The following DLG2 variants were observed in gnomAD, a reference collection of about 807,000 sequenced individuals.
DLG2 encodes disks large homolog 2.
Under a neutral mutation model 132.5 loss-of-function variants are expected in DLG2, and 45 were observed. The observed-to-expected ratio is 0.34, with a 90% CI of 0.27 to 0.44. The LOEUF (loss-of-function observed/expected upper bound fraction) is 0.44. DLG2 is among the 20% of genes least tolerant of loss of function. The pLI is 1.00. For missense variants in DLG2, 1,045 were observed against 1,196.9 expected (o/e 0.87, Z 1.87); for synonymous variants, 424 against 419.6 (o/e 1.01, Z -0.13).
At chr11:84,864,193 A>C (rs969194752) in intron 6 of DLG2, among the ~76,000 whole-genome samples, 2 of 152,200 alleles carry the variant, frequency 1.3e-5, no homozygotes, top group Admixed American at 6.5e-5. Flanking sequence ...GAGAATTTGG[A>C]AACCTTTAGA....
intron 4 of DLG2, among the ~76,000 whole-genome samples, chr11:85,244,023 G>T (rs954152650): frequency 6.6e-6 from 1 of 151,928 alleles, no homozygotes; most frequent in Non-Finnish European, 1.5e-5. Context: ...AAAGTGCTTT[G>T]CACAGCATCA....
chr11:84,681,238 T>C (rs1212270324), intron 6 of DLG2, among the ~76,000 whole-genome samples: 2 of 152,210 alleles, frequency 1.3e-5, no homozygotes, highest in Admixed American at 6.5e-5. Flanking sequence ...CTCTTCACAA[T>C]CCTTCCTTCC....
At chr11:84,486,057 C>A (rs898930304) in intron 7 of DLG2, among the ~76,000 whole-genome samples, 1 of 152,068 alleles carries the variant, frequency 6.6e-6, no homozygotes, top group Non-Finnish European at 1.5e-5. Flanking sequence ...GACACATATG[C>A]CTTTTTCCAC....
At chr11:83,961,650 A>T (rs1015938394) in intron 14 of DLG2, among the ~76,000 whole-genome samples, 1 of 152,010 alleles carries the variant, frequency 6.6e-6, no homozygotes, top group Non-Finnish European at 1.5e-5. Context: ...TTAATTCGCT[A>T]TGGGGCCTAG....
chr11:84,655,664 T>C (rs2099687247), intron 6 of DLG2, among the ~76,000 whole-genome samples: 1 of 152,022 alleles, frequency 6.6e-6, no homozygotes, highest in African/African-American at 2.4e-5. Flanking sequence ...CCATGAGCAA[T>C]TCAAAATCTC....
chr11:84,336,490 T>C lies in DLG2; in HGVS notation c.520-85199A>G, dbSNP rs186735027. On this transcript the variant is annotated intron_variant, in intron 7 of 27. Coordinates refer to ENST00000376104, the MANE Select transcript of DLG2 (RefSeq NM_001142699.3). ...GACTCATAAAGTATTCCTCCCTTAC[T>C]TCCAACTCACAGTTTGGCCTCACTT... Among the ~76,000 whole-genome samples, 535 of 152,302 alleles carry C rather than the reference T, an allele frequency of 3.5e-3. 3 individuals carry two copies. The highest frequency in any genetic ancestry group is 6.0e-3 in the Non-Finnish European group (408 of 68,018).
chr11:85,545,596 T>TG (rs2076261821), intron 3 of DLG2, among the ~76,000 whole-genome samples: 1 of 152,128 alleles, frequency 6.6e-6, no homozygotes, highest in African/African-American at 2.4e-5. Flanking sequence ...TGGTAGAATT[T>TG]GGCTGTGAAT....
At chr11:85,227,663 T>C (rs550765804) in intron 4 of DLG2, among the ~76,000 whole-genome samples, 149 of 152,242 alleles carry the variant, frequency 9.8e-4, no homozygotes, top group Non-Finnish European at 1.7e-3. Context: ...CCACAGAATA[T>C]ATCAAACAAT....
chr11:84,853,302 T>A (rs2082373838), intron 6 of DLG2, among the ~76,000 whole-genome samples: 1 of 151,942 alleles, frequency 6.6e-6, no homozygotes, highest in Admixed American at 6.6e-5. Context: ...TCAGGGTCTT[T>A]TATACTAAAG....
At chr11:85,211,432 T>C (rs1193479337) in intron 4 of DLG2, among the ~76,000 whole-genome samples, 2 of 152,152 alleles carry the variant, frequency 1.3e-5, no homozygotes, top group African/African-American at 2.4e-5. Flanking sequence ...CCATGAACTA[T>C]AGAAAGGGTA....
At position 83,786,811 on chromosome 11, in the gene DLG2, G is replaced by C; in HGVS notation, c.1723-19C>G. 1 of 1,609,460 alleles carries C rather than the reference G, an allele frequency of 6.2e-7. No homozygotes were observed. The highest frequency in any genetic ancestry group is 8.5e-7 in the Non-Finnish European group (1 of 1,176,068). ...CATTCACCTGAAAGAGAGGAAGCCA[G>C]AGAATCTTGGTATTTCATAAGGCAT... On this transcript the variant is annotated intron_variant, in intron 17 of 27. Coordinates refer to ENST00000376104, the MANE Select transcript of DLG2 (RefSeq NM_001142699.3).
intron 3 of DLG2, among the ~76,000 whole-genome samples, chr11:85,574,550 C>T (rs893335353): frequency 6.6e-6 from 1 of 152,114 alleles, no homozygotes. Flanking sequence ...TCTCATATTG[C>T]TATGTGATCC....
chr11:84,097,756 C>T (rs1414258788), intron 10 of DLG2, among the ~76,000 whole-genome samples: 9 of 152,118 alleles, frequency 5.9e-5, no homozygotes, highest in Admixed American at 4.6e-4. Context: ...TATGTAACTG[C>T]TTGGCCTGAG....
intron 7 of DLG2, among the ~76,000 whole-genome samples, chr11:84,252,008 C>T (rs2097384700): frequency 6.6e-6 from 1 of 152,006 alleles, no homozygotes; most frequent in Admixed American, 6.6e-5. Context: ...AAAATTAAAC[C>T]TAAACCAATA....
chr11:84,350,475 A>G (rs1057367684), intron 7 of DLG2, among the ~76,000 whole-genome samples: 5 of 152,150 alleles, frequency 3.3e-5, no homozygotes, highest in African/African-American at 1.2e-4. Flanking sequence ...AGGAGGACAT[A>G]TTGAGAACCT....
intron 17 of DLG2, among the ~76,000 whole-genome samples, chr11:83,794,949 G>A (rs969489137): frequency 6.6e-6 from 1 of 152,096 alleles, no homozygotes; most frequent in Non-Finnish European, 1.5e-5. Flanking sequence ...GGTGTGTTTT[G>A]CCACTCTGCT....
intron 7 of DLG2, among the ~76,000 whole-genome samples, chr11:84,281,824 A>T (rs1007532737): frequency 1.3e-5 from 2 of 152,180 alleles, no homozygotes; most frequent in Admixed American, 1.3e-4. Context: ...ATACTACTAC[A>T]TACCTATTAG....
intron 6 of DLG2, among the ~76,000 whole-genome samples, chr11:84,603,128 A>G (rs755986907): frequency 4.6e-5 from 7 of 151,972 alleles, no homozygotes; most frequent in African/African-American, 1.7e-4. Context: ...CTGAGAATTA[A>G]TTGCTCTGTT....
intron 16 of DLG2, among the ~76,000 whole-genome samples, chr11:83,834,135 A>C (rs1035104419): frequency 6.6e-6 from 1 of 152,238 alleles, no homozygotes; most frequent in Admixed American, 6.5e-5. Context: ...AGAAGAGACT[A>C]AGGTTGAATG....
Sources: allele counts gnomAD v4.1 joint callset (sites outside exome capture counted in the v4.1 genomes callset), GRCh38; gene constraint gnomAD v4.1.1; transcripts MANE v1.5; gene names NCBI Gene and HGNC (gene_info 2026-07-23, HGNC 2026-07-21).